THADA: variants seen among roughly 807,000 people sequenced by gnomAD.
THADA encodes THADA armadillo repeat containing.
THADA carries 213 observed loss-of-function variants against 219.8 expected under a neutral mutation model. The ratio of observed to expected loss-of-function variants is 0.97; its 90% CI spans 0.87 to 1.09. The LOEUF (loss-of-function observed/expected upper bound fraction) is 1.09, where lower values mean the gene tolerates loss of function less well. Among genes scored for constraint, THADA ranks in the 50% least tolerant of loss-of-function variants. THADA has a pLI of 0.00. For missense variants in THADA, 2,956 were observed against 2,311.3 expected (o/e 1.28, Z -5.72); for synonymous variants, 1,018 against 828.9 (o/e 1.23, Z -3.92).
intron 28 of THADA, among the ~76,000 whole-genome samples, chr2:43,416,062 A>C (rs866835412): frequency 5.9e-5 from 9 of 152,232 alleles, no homozygotes; most frequent in African/African-American, 1.7e-4. Flanking sequence ...TCTCTTCAGT[A>C]GAATTATGCA....
intron 31 of THADA, among the ~76,000 whole-genome samples, chr2:43,304,381 CCAA>C (rs987229859): frequency 1.6e-4 from 24 of 152,022 alleles, no homozygotes; most frequent in Non-Finnish European, 2.6e-4. Context: ...AAAGACCAAC[CCAA>C]CAACAACAAA....
rs558393405 is a variant in THADA at position 43,343,966 on chromosome 2, T to C, written c.4343+156A>G. The C allele has an allele frequency of 2.0e-4, 113 of 558,470 alleles. 1 individual carries two copies. Among genetic ancestry groups the C allele is most frequent in the African/African-American group, 1.7e-3 (90 of 53,132 alleles). The allele number at this position is 558,470 out of a possible 1,614,324, so 34.6% of individuals were successfully genotyped here. ...ATTGTCAAGAAAATATTTTTCTTTC[T>C]TTACCACAACCCAAAGTTCTAAAAG... On this transcript the variant is annotated intron_variant, in intron 30 of 37. Coordinates refer to ENST00000405975, the MANE Select transcript of THADA (RefSeq NM_022065.5).
intron 36 of THADA, among the ~76,000 whole-genome samples, chr2:43,278,687 A>G (rs1048760313): frequency 1.3e-5 from 2 of 152,174 alleles, no homozygotes; most frequent in Non-Finnish European, 2.9e-5. Context: ...CTTCTTCCAC[A>G]TAGGCAGAGA....
intron 22 of THADA, among the ~76,000 whole-genome samples, chr2:43,527,583 AT>A (rs1693322200): frequency 6.7e-6 from 1 of 149,106 alleles, no homozygotes; most frequent in Non-Finnish European, 1.5e-5. Flanking sequence ...CAGACAAAAC[AT>A]TTATTTCATT....
At chr2:43,580,809 G>C (rs375466279) in intron 8 of THADA, among the ~76,000 whole-genome samples, 2 of 152,054 alleles carry the variant, frequency 1.3e-5, no homozygotes, top group African/African-American at 4.8e-5. Flanking sequence ...GAATCTGGGA[G>C]GCAGAGGTTG....
intron 26 of THADA, among the ~76,000 whole-genome samples, chr2:43,446,586 G>C (rs1452993447): frequency 6.6e-6 from 1 of 152,338 alleles, no homozygotes; most frequent in African/African-American, 2.4e-5. Flanking sequence ...AGTGATCCCA[G>C]ATGACAACAC....
intron 20 of THADA, among the ~76,000 whole-genome samples, chr2:43,542,575 T>C (rs1228788249): frequency 1.3e-5 from 2 of 152,230 alleles, no homozygotes. Context: ...TCAAACAAGA[T>C]GTAAGAACTC....
intron 31 of THADA, among the ~76,000 whole-genome samples, chr2:43,293,660 G>C (rs952369186): frequency 6.6e-6 from 1 of 152,184 alleles, no homozygotes; most frequent in Admixed American, 6.5e-5. Flanking sequence ...TCCATTGTTA[G>C]TAGATCTAAT....
chr2:43,474,810 G>A (rs981203629), intron 26 of THADA, among the ~76,000 whole-genome samples: 5 of 152,108 alleles, frequency 3.3e-5, no homozygotes, highest in African/African-American at 1.2e-4. Flanking sequence ...TTCTAGAATT[G>A]TGTTTATAGA....
chr2:43,440,033 G>A (rs921302553), intron 26 of THADA, among the ~76,000 whole-genome samples: 1 of 151,910 alleles, frequency 6.6e-6, no homozygotes, highest in Non-Finnish European at 1.5e-5. Flanking sequence ...TATTTTAATG[G>A]AAAAAGTAAA....
chr2:43,348,402 C>T (rs1480614684), intron 29 of THADA, among the ~76,000 whole-genome samples: 1 of 152,192 alleles, frequency 6.6e-6, no homozygotes, highest in Non-Finnish European at 1.5e-5. Context: ...TTGTTTTAAA[C>T]TTTCGGAGAA....
At chr2:43,480,485 T>C (rs921393946) in intron 26 of THADA, among the ~76,000 whole-genome samples, 1 of 152,150 alleles carries the variant, frequency 6.6e-6, no homozygotes, top group Non-Finnish European at 1.5e-5. Flanking sequence ...TAATAAATGC[T>C]TGTTCAGTGG....
chr2:43,556,541 C>A lies in THADA; in HGVS notation c.2478G>T (p.Leu826=). 6.2e-7 allele frequency: 1 copy of A among 1,613,600 alleles called. No individual in the cohort carries two copies. Among genetic ancestry groups the A allele is most frequent in the East Asian group, 2.2e-5 (1 of 44,876 alleles). Residue 826 remains leucine, a synonymous_variant, in exon 17 of 38, where the codon CTG becomes CTT. Transcript: ENST00000405975. The stretch of plus-strand genomic sequence containing the variant: ...CCAATGCTGCCTGAAATAAGCCTTG[C>A]AGTTTCCCCGAATCCTAGAATAAAG... The part of the protein sequence containing the change: ...TAVHFQDSGK[L]QGLFQAALEL...
chr2:43,371,333 T>C (rs1435572797), intron 29 of THADA, among the ~76,000 whole-genome samples: 1 of 152,186 alleles, frequency 6.6e-6, no homozygotes, highest in Admixed American at 6.5e-5. Context: ...AAATCTGAAA[T>C]GTATAGCTTG....
intron 30 of THADA, among the ~76,000 whole-genome samples, chr2:43,341,706 A>C (rs973331489): frequency 2.0e-5 from 3 of 152,134 alleles, no homozygotes; most frequent in Non-Finnish European, 2.9e-5. Flanking sequence ...TCCTGGCTAG[A>C]AGCAGGTTTC....
chr2:43,272,842 G>C (rs1672288470), intron 36 of THADA, among the ~76,000 whole-genome samples: 1 of 151,702 alleles, frequency 6.6e-6, no homozygotes, highest in African/African-American at 2.4e-5. Context: ...CCCAGGCTGG[G>C]TTTGAACTCC....
At chr2:43,548,577 C>T (rs1401980962) in intron 20 of THADA, among the ~76,000 whole-genome samples, 6 of 152,174 alleles carry the variant, frequency 3.9e-5, no homozygotes, top group African/African-American at 9.7e-5. Context: ...CAACGGTGGG[C>T]GCCCCTCCCC....
intron 28 of THADA, among the ~76,000 whole-genome samples, chr2:43,417,169 T>C (rs570868161): frequency 2.8e-4 from 43 of 151,702 alleles, no homozygotes; most frequent in African/African-American, 1.0e-3. Context: ...TTTGCTATTA[T>C]TGTTTTTTTT....
chr2:43,417,037 CTTTTTTTT>C (rs67993873), intron 28 of THADA, among the ~76,000 whole-genome samples: 1 of 93,780 alleles, frequency 1.1e-5, no homozygotes, highest in Non-Finnish European at 2.1e-5. Flanking sequence ...TGGCTGTTTT[CTTTTTTTT>C]TTTTTTTTTT....
Sources: allele counts gnomAD v4.1 joint callset (sites outside exome capture counted in the v4.1 genomes callset), GRCh38; gene constraint gnomAD v4.1.1; transcripts MANE v1.5; gene names NCBI Gene and HGNC (gene_info 2026-07-23, HGNC 2026-07-21).